Variants in LFNG observed in about 807,000 individuals in gnomAD.
LFNG encodes the protein LFNG O-fucosylpeptide 3-beta-N-acetylglucosaminyltransferase, also known as beta-1,3-N-acetylglucosaminyltransferase lunatic fringe.
LFNG carries 15 observed loss-of-function variants against 32.7 expected under a neutral mutation model. The observed-to-expected ratio is 0.46, with a 90% confidence interval of 0.31 to 0.71. LFNG has a LOEUF of 0.71. Ranked by LOEUF, LFNG falls within the 30% of genes least tolerant of loss-of-function variation. The probability of loss-of-function intolerance (pLI) is 0.06; values close to 1 mark genes in which losing one functional copy is unlikely to be tolerated. For missense variants in LFNG, 520 were observed against 545.7 expected, an observed-to-expected ratio of 0.95 and a Z score of 0.47; for synonymous variants, 274 against 246.8, an observed-to-expected ratio of 1.11 and a Z score of -1.03.
In LFNG at chr7:2,527,178, A is replaced by C. The variant is rs200198103; in HGVS notation, c.1106A>C (p.Asp369Ala). The C allele has an allele frequency of 6.2e-7, 1 of 1,612,870 alleles. No individual in the cohort carries two copies. Among genetic ancestry groups the C allele is most frequent in the Non-Finnish European group, 8.5e-7 (1 of 1,179,908 alleles). Residue 369 changes from aspartate to alanine, a missense_variant, in exon 8 of 8, where the codon GAC (aspartate) becomes GCC (alanine). Transcript: ENST00000222725. The surrounding 1 kb of genome is among the most constrained non-coding windows in gnomAD (Gnocchi z 4.4). ...FRSIHCHLYPDTPWCPRTAIF is the reference protein window; with the variant it reads ...FRSIHCHLYPATPWCPRTAIF ...TCCATCCACTGCCACCTGTACCCGG[A>C]CACACCCTGGTGTCCCCGCACTGCC...
intron 1 of LFNG, among the ~76,000 whole-genome samples, chr7:2,522,298 A>T (rs1006569123): frequency 2.2e-4 from 33 of 152,326 alleles, no homozygotes; most frequent in Middle Eastern, 3.4e-3. Context: ...GGGCATGGTG[A>T]TGACCACAGC....
chr7:2,526,944 G>T lies in LFNG; in HGVS notation c.1073+23G>T. 1 of 1,608,848 alleles carries T rather than the reference G, an allele frequency of 6.2e-7. No individual in the cohort carries two copies. Among genetic ancestry groups the T allele is most frequent in the Non-Finnish European group, 8.5e-7 (1 of 1,177,096 alleles). On this transcript the variant is annotated intron_variant, in intron 7 of 7. Coordinates refer to ENST00000222725, the MANE Select transcript of LFNG (RefSeq NM_001040167.2). The surrounding 1 kb of genome is among the most constrained non-coding windows in gnomAD (Gnocchi z 6.9). ...CAGGTAAGGAAACCCCGGCCCAGAT[G>T]GGCTTGCGTAGGGTGGCCTAGGGGC...
In LFNG at chr7:2,526,880, C is replaced by T. The variant is rs748395052; in HGVS notation, c.1032C>T (p.Val344=). The stretch of plus-strand genomic sequence containing the variant: ...TGTTTGAAAACAAGCGGAACGCCGT[C>T]CACGTGAAGGGGCCCTTCTCGGTGG... ...YGMFENKRNA[V]HVKGPFSVEA... Residue 344 remains valine, a synonymous_variant, in exon 7 of 8, where the codon GTC becomes GTT. Transcript: ENST00000222725. The surrounding 1 kb of genome is among the most constrained non-coding windows in gnomAD (Gnocchi z 6.9). The T allele has an allele frequency of 1.3e-5, 21 of 1,612,340 alleles. No individual in the cohort carries two copies. In the East Asian group the frequency reaches 2.0e-4, roughly 15 times the overall value.
chr7:2,527,083 G>A lies in LFNG; in HGVS notation c.1074-63G>A. ...GTGGGGCCGCCAGTGTTGTGGGACT[G>A]CAAATGGGAGCTCAGCACCTGCCTG... On this transcript the variant is annotated intron_variant, in intron 7 of 7. Coordinates refer to ENST00000222725, the MANE Select transcript of LFNG (RefSeq NM_001040167.2). This position sits in a 1 kb window ranked among gnomAD's most constrained non-coding sequence, Gnocchi z 4.4. The A allele has an allele frequency of 1.9e-6, 3 of 1,540,954 alleles. No homozygotes were observed. Among genetic ancestry groups the A allele is most frequent in the Middle Eastern group, 1.7e-4 (1 of 5,958 alleles).
chr7:2,514,730 CCATCCATCCATCCATT>C (rs1301823940), upstream of LFNG, among the ~76,000 whole-genome samples: 5 of 137,316 alleles, frequency 3.6e-5, no homozygotes, highest in East Asian at 1.3e-3. Flanking sequence ...ATTCACCTGT[CCATCCATCCATCCATT>C]CATCCATCCA....
chr7:2,514,812 GTCTGTCCATCCA>G (rs1218974612), upstream of LFNG, among the ~76,000 whole-genome samples: 4 of 71,076 alleles, frequency 5.6e-5, no homozygotes, highest in Non-Finnish European at 1.0e-4. Context: ...CTGTCGGTCT[GTCTGTCCATCCA>G]TCCATCCATC....
upstream of LFNG, among the ~76,000 whole-genome samples, chr7:2,518,268 G>A (rs551143156): frequency 3.6e-4 from 55 of 152,268 alleles, 1 homozygote; most frequent in South Asian, 0.011. Context: ...AGGAGGTGAC[G>A]CCATGGGAGA....
chr7:2,527,604 C>T lies in LFNG; in HGVS notation c.*392C>T, dbSNP rs1488944945. 7 of 1,188,768 alleles carry T rather than the reference C, an allele frequency of 5.9e-6. No homozygotes were observed. The highest frequency in any genetic ancestry group is 7.4e-6 in the Non-Finnish European group (7 of 944,860). The allele number at this position is 1,188,768 out of a possible 1,614,324, so 73.6% of individuals were successfully genotyped here. A position where few individuals can be genotyped will look rare whatever the true frequency, so the allele number is the denominator to read the frequency against. On this transcript the variant is annotated 3_prime_UTR_variant, in exon 8 of 8. Transcript: ENST00000222725. This position sits in a 1 kb window ranked among gnomAD's most constrained non-coding sequence, Gnocchi z 4.4. ...GGTGCCTTTCTCTTCCTGCTGACCACAAGCTCTGTGCTGGGGGTACCTGTG... is the reference window on the plus strand; with the variant it reads ...GGTGCCTTTCTCTTCCTGCTGACCATAAGCTCTGTGCTGGGGGTACCTGTG...
At chr7:2,523,611 G>T (rs964486867) in intron 1 of LFNG, 2 of 152,206 alleles carry the variant, frequency 1.3e-5, no homozygotes, top group African/African-American at 2.4e-5. Context: ...CCGTGTGCCG[G>T]CAGGCCCAGG....
chr7:2,513,806 G>A (rs529459483), upstream of LFNG, among the ~76,000 whole-genome samples: 5 of 152,340 alleles, frequency 3.3e-5, no homozygotes, highest in African/African-American at 1.2e-4. Flanking sequence ...TGGTGGCTGC[G>A]CTCTGATGCT....
At position 2,526,163 on chromosome 7, in the gene LFNG, C is replaced by G; in HGVS notation, c.822-81C>G. On this transcript the variant is annotated intron_variant, in intron 5 of 7. Coordinates refer to ENST00000222725, the MANE Select transcript of LFNG (RefSeq NM_001040167.2). The surrounding 1 kb of genome is among the most constrained non-coding windows in gnomAD (Gnocchi z 6.9). ...GCTCCTCTCCCTGAGGAGTGCAGCG[C>G]CTTTGCCTGGTGGGGCCTCCCCAGC... The G allele has an allele frequency of 6.6e-7, 1 of 1,504,694 alleles. No individual in the cohort carries two copies. The allele number at this position is 1,504,694 out of a possible 1,614,324, so 93.2% of individuals were successfully genotyped here. A position where few individuals can be genotyped will look rare whatever the true frequency, so the allele number is the denominator to read the frequency against.
In LFNG at chr7:2,519,823, C is replaced by A. The variant is rs1294187742; in HGVS notation, c.-39C>A. 2.8e-6 allele frequency: 3 copies of A among 1,057,322 alleles called. No individual in the cohort carries two copies. Among genetic ancestry groups the A allele is most frequent in the South Asian group, 4.0e-5 (1 of 24,842 alleles). 65.5% of individuals were successfully genotyped at this position (1,057,322 alleles called of 1,614,324 possible). ...GGGCTTCGGGTCGGTGCAAGGCAGGCGCACGGGGAAGGGCGCGCCGCGCGG... is the reference window on the plus strand; with the variant it reads ...GGGCTTCGGGTCGGTGCAAGGCAGGAGCACGGGGAAGGGCGCGCCGCGCGG... On this transcript the variant is annotated 5_prime_UTR_variant, in exon 1 of 8. Transcript: ENST00000222725.
intron 1 of LFNG, among the ~76,000 whole-genome samples, chr7:2,524,448 G>C (rs746139711): frequency 6.6e-6 from 1 of 152,226 alleles, no homozygotes; most frequent in African/African-American, 2.4e-5. Context: ...GTCGAGGTTG[G>C]GGAGTGAGGC....
chr7:2,517,184 CG>C (rs1462091391), upstream of LFNG, among the ~76,000 whole-genome samples: 1 of 152,142 alleles, frequency 6.6e-6, no homozygotes, highest in East Asian at 1.9e-4. Flanking sequence ...GGGAAGCGGG[CG>C]GGGGTGGCTA....
At chr7:2,516,839 T>C (rs541972730), upstream of LFNG, among the ~76,000 whole-genome samples, 2 of 152,276 alleles carry the variant, frequency 1.3e-5, no homozygotes, top group South Asian at 4.1e-4. Context: ...CATCCTTGTG[T>C]TACAAGTGAG....
chr7:2,513,744 G>A (rs992569400), upstream of LFNG, among the ~76,000 whole-genome samples: 8 of 152,230 alleles, frequency 5.3e-5, no homozygotes, highest in Non-Finnish European at 1.0e-4. Context: ...GGGTGGCTCT[G>A]GTGCCTCCCT....
In LFNG at chr7:2,525,685, C is replaced by A. The variant is rs372733027; in HGVS notation, c.736C>A (p.Arg246Ser). 1.2e-6 allele frequency: 2 copies of A among 1,613,208 alleles called. No individual in the cohort carries two copies. Among genetic ancestry groups the A allele is most frequent in the South Asian group, 1.1e-5 (1 of 91,082 alleles). The change falls in exon 5 of 8, where the codon CGT becomes AGT. Residue 246 changes from arginine (R) to serine (S), a missense_variant and splice_region_variant. Coordinates refer to ENST00000222725, the MANE Select transcript of LFNG (RefSeq NM_001040167.2). ...CAGGACACCTTCTCCCTTCTCCCAG[C>A]GTCCTGTCCACTTCTGGTTTGCCAC... ...AMERVSENKV[R>S]PVHFWFATGG...
chr7:2,524,798 G>T, intron 2 of LFNG, 55 bp downstream of exon 2: 2 of 1,480,594 alleles, frequency 1.4e-6, no homozygotes, highest in South Asian at 2.4e-5. Flanking sequence ...AGAGCCGAAC[G>T]CTCCCCCTCC....
At chr7:2,521,896 G>A (rs898193143) in intron 1 of LFNG, among the ~76,000 whole-genome samples, 1 of 152,192 alleles carries the variant, frequency 6.6e-6, no homozygotes, top group African/African-American at 2.4e-5. Flanking sequence ...ACTCAGGGTC[G>A]AGGTGGGGGC....
Sources: gnomAD v4.1 joint callset for allele counts (sites outside exome capture counted in the v4.1 genomes callset) on GRCh38, gnomAD v4.1.1 for gene constraint, Gnocchi (gnomAD v3.1) non-coding constraint, MANE v1.5 for transcripts, NCBI Gene and HGNC (gene_info 2026-07-23, HGNC 2026-07-21) for gene names.